The following AGBL2 variants were observed in gnomAD, a reference collection of about 807,000 sequenced individuals.
AGBL2 encodes AGBL carboxypeptidase 2.
A neutral mutation model predicts 103.0 loss-of-function variants in AGBL2; 87 were observed. The ratio of observed to expected loss-of-function variants is 0.84; its 90% CI spans 0.71 to 1.01. The LOEUF (loss-of-function observed/expected upper bound fraction) is 1.01. AGBL2 is among the 50% of genes least tolerant of loss of function. The pLI, the probability that AGBL2 is intolerant of heterozygous loss-of-function variation, is 0.00. For synonymous variants in AGBL2, 335 were observed against 356.7 expected, an observed-to-expected ratio of 0.94 and a Z score of 0.69; for missense variants, 904 against 1,023.5, an observed-to-expected ratio of 0.88 and a Z score of 1.59.
At chr11:47,703,493 A>G (rs966528107) in intron 7 of AGBL2, among the ~76,000 whole-genome samples, 7 of 152,238 alleles carry the variant, frequency 4.6e-5, no homozygotes, top group Non-Finnish European at 8.8e-5. Flanking sequence ...GGGTGAGTTA[A>G]TAAATGTTGA....
chr11:47,710,434 A>G lies in AGBL2; in HGVS notation c.175T>C (p.Ser59Pro), dbSNP rs111452731. The G allele has an allele frequency of 6.2e-7, 1 of 1,614,132 alleles. No individual in the cohort carries two copies. Among genetic ancestry groups the G allele is most frequent in the Non-Finnish European group, 8.5e-7 (1 of 1,180,020 alleles). Residue 59 changes from serine to proline, a missense_variant, in exon 4 of 19, where the codon TCT (serine) becomes CCT (proline). Transcript: ENST00000525123. ...ATCAAATCATCTTTTTCCCCAAGAG[A>G]GCCATTCAACAGGCATTGAGGGTTA... is the stretch of plus-strand genomic sequence containing the variant. ...KNNPQCLLNG[S>P]LGEKDDLIPD...
intron 11 of AGBL2, 41 bp from the exon 12 acceptor site, chr11:47,682,136 A>G: frequency 6.4e-7 from 1 of 1,566,274 alleles, no homozygotes. Flanking sequence ...ATAAATCAGC[A>G]AATGTAAAAT....
chr11:47,663,484 T>C (rs1402108323), intron 17 of AGBL2, among the ~76,000 whole-genome samples: 1 of 152,070 alleles, frequency 6.6e-6, no homozygotes, highest in Non-Finnish European at 1.5e-5. Context: ...TCAAAATGTA[T>C]GTATGCTCTT....
In AGBL2 at chr11:47,681,853, C is replaced by A. The variant is rs2097402663; in HGVS notation, c.1915+116G>T. On this transcript the variant is annotated intron_variant, in intron 12 of 18. Transcript: ENST00000525123. ...CACTCAAATTTAGCATAAGTCTAGA[C>A]AAAGAAATCCTCTAGATCAGTTATC... is the stretch of plus-strand genomic sequence containing the variant. 4.6e-6 allele frequency: 6 copies of A among 1,295,182 alleles called. No homozygotes were observed. The African/African-American group carries it at 5.9e-5, about 13-fold the overall frequency. 80.2% of individuals were successfully genotyped at this position (1,295,182 alleles called of 1,614,324 possible). A position where few individuals can be genotyped will look rare whatever the true frequency, so the allele number is the denominator to read the frequency against.
chr11:47,690,929 G>T, intron 9 of AGBL2, 71 bp from the exon 10 acceptor site: 1 of 1,260,332 alleles, frequency 7.9e-7, no homozygotes, highest in Non-Finnish European at 1.1e-6. Flanking sequence ...GGAAAATGTT[G>T]TTTTCTCCTG....
chr11:47,712,125 G>T (rs959579092), intron 3 of AGBL2, among the ~76,000 whole-genome samples: 1 of 152,160 alleles, frequency 6.6e-6, no homozygotes, highest in Non-Finnish European at 1.5e-5. Flanking sequence ...TATTGCAAAA[G>T]TAATGGCCAC....
intron 14 of AGBL2, among the ~76,000 whole-genome samples, chr11:47,673,884 G>A (rs1046810215): frequency 2.7e-5 from 4 of 150,824 alleles, no homozygotes; most frequent in African/African-American, 9.8e-5. Context: ...TGGATCACCT[G>A]AGGTCAGGAG....
chr11:47,665,914 C>A (rs935449857), intron 17 of AGBL2, among the ~76,000 whole-genome samples: 1 of 151,948 alleles, frequency 6.6e-6, no homozygotes, highest in South Asian at 2.1e-4. Context: ...GAGGCTGAGG[C>A]GGGAGAATCA....
chr11:47,666,155 A>G (rs1231583722), intron 17 of AGBL2, among the ~76,000 whole-genome samples: 1 of 152,074 alleles, frequency 6.6e-6, no homozygotes, highest in East Asian at 1.9e-4. Flanking sequence ...GCACTTTGGG[A>G]GGCCAAAGTG....
At chr11:47,678,288 CTATTTTATTTTATTTTA>C (rs2097383807) in intron 13 of AGBL2, among the ~76,000 whole-genome samples, 2 of 123,926 alleles carry the variant, frequency 1.6e-5, no homozygotes, top group Admixed American at 8.7e-5. Flanking sequence ...ATGCAATACT[CTATTTTATTTTATTTTA>C]TTTTATTTTA....
At chr11:47,679,480 G>A (rs1263483975) in intron 13 of AGBL2, among the ~76,000 whole-genome samples, 2 of 152,042 alleles carry the variant, frequency 1.3e-5, no homozygotes, top group African/African-American at 4.8e-5. Flanking sequence ...TCTTCTTGGT[G>A]AATTATGAGG....
At chr11:47,714,570 T>C (rs758701617) in intron 2 of AGBL2, 48 bp downstream of exon 2, 16 of 1,600,012 alleles carry the variant, frequency 1.0e-5, no homozygotes, top group Non-Finnish European at 1.3e-5. Context: ...CCCGAAGAAA[T>C]GGAGTTCCCC....
intron 4 of AGBL2, among the ~76,000 whole-genome samples, chr11:47,707,796 A>G (rs2097525769): frequency 6.6e-6 from 1 of 152,206 alleles, no homozygotes; most frequent in Non-Finnish European, 1.5e-5. Flanking sequence ...AAAAAATGGT[A>G]ACTTGCTATT....
intron 4 of AGBL2, among the ~76,000 whole-genome samples, chr11:47,708,724 G>A (rs926217610): frequency 6.6e-5 from 10 of 151,484 alleles, no homozygotes; most frequent in Non-Finnish European, 1.0e-4. Context: ...TGAGGCAGGA[G>A]AATCACTTGA....
chr11:47,691,863 A>G (rs1246351720), intron 9 of AGBL2, among the ~76,000 whole-genome samples: 1 of 148,806 alleles, frequency 6.7e-6, no homozygotes, highest in Non-Finnish European at 1.5e-5. Flanking sequence ...TTTATGTTAC[A>G]TATTTTTACT....
chr11:47,662,933 GCATCACCGC>G, intron 18 of AGBL2, 84 bp downstream of exon 18: 3 of 1,056,840 alleles, frequency 2.8e-6, no homozygotes, highest in Non-Finnish European at 4.3e-6. Context: ...ACTGGACTGT[GCATCACCGC>G]CCTCCAAATC....
rs372451612 is a variant in AGBL2, at chr11:47,714,347, T to A, written c.34A>T (p.Thr12Ser). Residue 12 changes from threonine (T) to serine (S), a missense_variant and splice_region_variant, in exon 3 of 19, where the codon ACT (threonine) becomes TCT (serine). Transcript: ENST00000525123. ...AAGTCTTCATAAGGATCAGGAATAG[T>A]CTGTGAAAGGAAAGGCCACTTCAAT... ...FPALETHLKQ[T>S]IPDPYEDFMY... 6.9e-5 allele frequency: 112 copies of A among 1,612,140 alleles called. No individual in the cohort carries two copies. Among genetic ancestry groups the A allele is most frequent in the Middle Eastern group, 1.6e-4 (1 of 6,080 alleles).
At chr11:47,674,448 T>G (rs2097367657) in intron 14 of AGBL2, among the ~76,000 whole-genome samples, 1 of 151,332 alleles carries the variant, frequency 6.6e-6, no homozygotes, top group Non-Finnish European at 1.5e-5. Context: ...GCACCTGTAG[T>G]CCCAGCTACT....
chr11:47,710,613 C>A (rs1302829438), intron 3 of AGBL2, 102 bp from the exon 4 acceptor site: 5 of 1,379,882 alleles, frequency 3.6e-6, no homozygotes, highest in Non-Finnish European at 4.1e-6. Flanking sequence ...CCACCCACCA[C>A]CACAGCCCTT....
Sources: gnomAD v4.1 joint callset for allele counts (sites outside exome capture counted in the v4.1 genomes callset) on GRCh38, gnomAD v4.1.1 for gene constraint, MANE v1.5 for transcripts, NCBI Gene and HGNC (gene_info 2026-07-23, HGNC 2026-07-21) for gene names.